OR1L8: variants seen among roughly 807,000 people sequenced by gnomAD.
The protein encoded by OR1L8 is olfactory receptor 1L8.
For synonymous variants in OR1L8, 148 were observed against 147.0 expected, an observed-to-expected ratio of 1.01 and a Z score of -0.05; for missense variants, 330 against 377.4, an observed-to-expected ratio of 0.87 and a Z score of 1.04.
the OR1L8 span, among the ~76,000 whole-genome samples, chr9:122,546,957 C>G: frequency 2.0e-5 from 3 of 152,074 alleles, 1 homozygote; most frequent in Non-Finnish European, 2.9e-5. Flanking sequence ...GTTGGGAATG[C>G]TCAGTATCCT....
At chr9:122,552,747 T>TGA in the OR1L8 span, among the ~76,000 whole-genome samples, 17 of 127,748 alleles carry the variant, frequency 1.3e-4, no homozygotes, top group African/African-American at 2.4e-4. Flanking sequence ...AAAGAGGGCT[T>TGA]GAGTGTGTGT....
intron 1 of OR1L8, among the ~76,000 whole-genome samples, chr9:122,580,813 T>G (rs1367233995): frequency 6.6e-6 from 1 of 152,110 alleles, no homozygotes; most frequent in Non-Finnish European, 1.5e-5. Flanking sequence ...AATATACTTT[T>G]GTTCTAGGCT....
the OR1L8 span, among the ~76,000 whole-genome samples, chr9:122,561,391 T>A: frequency 1.3e-5 from 2 of 152,152 alleles, no homozygotes; most frequent in Non-Finnish European, 2.9e-5. Context: ...TGGAGAGGTG[T>A]TGTGATCATT....
Position 122,583,362 on chromosome 9 carries a change from A to G in OR1L8, c.-641T>C, listed in dbSNP as rs1024257472. ...AGGAGACAGGATGACTGAATATAAT[A>G]TAATATCCTCGATGGGATCCTGGAA... is the stretch of plus-strand genomic sequence containing the variant. On this transcript the variant is annotated 5_prime_UTR_variant, in exon 1 of 5. Coordinates refer to ENST00000641027, the MANE Select transcript of OR1L8 (RefSeq NM_001004454.2). 4 of 152,092 alleles carry G rather than the reference A, an allele frequency of 2.6e-5. No individual in the cohort carries two copies. Among genetic ancestry groups the G allele is most frequent in the Admixed American group, 6.6e-5 (1 of 15,262 alleles). The allele number at this position is 152,092 out of a possible 1,614,324, so 9.4% of individuals were successfully genotyped here. A position where few individuals can be genotyped will look rare whatever the true frequency, so the allele number is the denominator to read the frequency against.
chr9:122,572,115 A>G (rs1829564730), intron 4 of OR1L8, among the ~76,000 whole-genome samples: 1 of 152,136 alleles, frequency 6.6e-6, no homozygotes, highest in African/African-American at 2.4e-5. Flanking sequence ...AAACAAGTAG[A>G]TCTTGTGAAA....
chr9:122,553,850 C>T, the OR1L8 span: 5 of 1,613,918 alleles, frequency 3.1e-6, no homozygotes, highest in East Asian at 1.1e-4. Flanking sequence ...TCACTGTTCC[C>T]CTCCTGCTGA....
At chr9:122,581,710 G>C (rs1829740567) in intron 1 of OR1L8, among the ~76,000 whole-genome samples, 1 of 152,104 alleles carries the variant, frequency 6.6e-6, no homozygotes, top group Non-Finnish European at 1.5e-5. Context: ...ACTTTGGGAG[G>C]CTGAGGCGGG....
chr9:122,580,407 A>G (rs1362787231), intron 1 of OR1L8, among the ~76,000 whole-genome samples: 1 of 152,222 alleles, frequency 6.6e-6, no homozygotes, highest in Non-Finnish European at 1.5e-5. Context: ...ATCATTTACA[A>G]ATAAAACCAT....
downstream of OR1L8, among the ~76,000 whole-genome samples, chr9:122,566,633 CA>C (rs1365695920): frequency 1.3e-5 from 2 of 152,108 alleles, no homozygotes; most frequent in Non-Finnish European, 2.9e-5. Flanking sequence ...AGGTTGTTGC[CA>C]TTTTTACCTA....
the OR1L8 span, among the ~76,000 whole-genome samples, chr9:122,548,051 G>A: frequency 0.091 from 13,888 of 152,114 alleles, 929 homozygotes; most frequent in East Asian, 0.33. Context: ...GTGATGTTGA[G>A]CATTTTCCTC....
At position 122,568,202 on chromosome 9, in the gene OR1L8, G is replaced by A; in HGVS notation, c.276C>T (p.Thr92=). Residue 92 remains threonine (T), a synonymous_variant, in exon 5 of 5, where the codon ACC becomes ACT. Transcript: ENST00000641027. ...GTGTCAGACACCCAGCATAGGAGAT[G>A]GTCTTCTTTTCTGACAGGAAGTTCA... ...MLMNFLSEKK[T]ISYAGCLTQM... is the part of the protein sequence containing the mutation. The A allele has an allele frequency of 6.2e-7, 1 of 1,614,134 alleles. No homozygotes were observed. Among genetic ancestry groups the A allele is most frequent in the East Asian group, 2.2e-5 (1 of 44,884 alleles).
At chr9:122,550,406 G>A in the OR1L8 span, among the ~76,000 whole-genome samples, 1 of 151,964 alleles carries the variant, frequency 6.6e-6, no homozygotes, top group African/African-American at 2.4e-5. Context: ...CTACAAAGCA[G>A]GTATCACCTG....
the OR1L8 span, chr9:122,552,978 A>G: frequency 1.8e-6 from 1 of 560,636 alleles, no homozygotes; most frequent in Admixed American, 3.3e-5. Flanking sequence ...CATACAAAGC[A>G]CAATTGAGAT....
chr9:122,579,153 C>G (rs1829707710), intron 1 of OR1L8, among the ~76,000 whole-genome samples: 1 of 151,718 alleles, frequency 6.6e-6, no homozygotes, highest in Non-Finnish European at 1.5e-5. Context: ...ATGAATGGGG[C>G]TTGGTTAAAT....
chr9:122,557,499 C>A, the OR1L8 span, among the ~76,000 whole-genome samples: 1 of 151,920 alleles, frequency 6.6e-6, no homozygotes, highest in Admixed American at 6.6e-5. Flanking sequence ...TTGATGTGAT[C>A]AACTAAATTA....
In OR1L8 at chr9:122,567,476, T is replaced by C. The variant is rs1829448535; in HGVS notation, c.*72A>G. The stretch of plus-strand genomic sequence containing the variant: ...GCTAGCTTCCAACAGCTTTGACTGT[T>C]CACCAGAAACCAGTAGAAAACACGT... On this transcript the variant is annotated 3_prime_UTR_variant, in exon 5 of 5. Coordinates refer to ENST00000641027, the MANE Select transcript of OR1L8 (RefSeq NM_001004454.2). The C allele has an allele frequency of 1.7e-6, 2 of 1,171,632 alleles. No homozygotes were observed. Among genetic ancestry groups the C allele is most frequent in the East Asian group, 4.7e-5 (2 of 42,634 alleles). 72.6% of individuals were successfully genotyped at this position (1,171,632 alleles called of 1,614,324 possible).
At chr9:122,553,906 C>T in the OR1L8 span, 1 of 1,614,032 alleles carries the variant, frequency 6.2e-7, no homozygotes, top group Non-Finnish European at 8.5e-7. Context: ...TTTGTCATCT[C>T]ATCTCCTGGA....
At chr9:122,552,749 A>AGTGTGTGTGTGTGT in the OR1L8 span, among the ~76,000 whole-genome samples, 370 of 129,738 alleles carry the variant, frequency 2.9e-3, 6 homozygotes, top group South Asian at 4.2e-3. Flanking sequence ...AGAGGGCTTG[A>AGTGTGTGTGTGTGT]GTGTGTGTGT....
chr9:122,554,363 A>T, the OR1L8 span: 1 of 523,356 alleles, frequency 1.9e-6, no homozygotes. Context: ...CTCTTTCCTG[A>T]CCCCAGTGAG....
Sources: allele counts gnomAD v4.1 joint callset (sites outside exome capture counted in the v4.1 genomes callset), GRCh38; gene constraint gnomAD v4.1.1; transcripts MANE v1.5; gene names NCBI Gene and HGNC (gene_info 2026-07-23, HGNC 2026-07-21).